The following PLPPR2 variants were observed in gnomAD, a reference collection of about 807,000 sequenced individuals.
PLPPR2 encodes the protein phospholipid phosphatase related 2.
PLPPR2 carries 11 observed loss-of-function variants against 40.3 expected under a neutral mutation model. The observed-to-expected ratio is 0.27, with a 90% CI of 0.17 to 0.45. The LOEUF (loss-of-function observed/expected upper bound fraction) is 0.45. Among genes scored for constraint, PLPPR2 ranks in the 20% least tolerant of loss-of-function variants. The pLI is 1.00. For missense variants in PLPPR2, 497 were observed against 640.7 expected (o/e 0.78, Z 2.42); for synonymous variants, 260 against 290.8 (o/e 0.89, Z 1.08).
rs1201262473 is a variant in PLPPR2 at position 11,364,596 on chromosome 19, G to A, written c.1265G>A (p.Arg422Gln). The change falls in exon 10 of 10, where the codon CGG becomes CAG. Residue 422 changes from arginine (R) to glutamine (Q), a missense_variant. By Grantham distance (43) the Arg-to-Gln change is conservative (BLOSUM62 1). Transcript: ENST00000688289. The surrounding 1 kb of genome is among the most constrained non-coding windows in gnomAD (Gnocchi z 5.8). The stretch of plus-strand genomic sequence containing the variant: ...CTGCTGCTGCCCACGCCCCTGCTGC[G>A]GGACCTGTACACCCTGAGTGGACTC... ...RKLLLPTPLL[R>Q]DLYTLSGLYP... 7.8e-6 allele frequency: 12 copies of A among 1,536,994 alleles called. No homozygotes were observed. Among genetic ancestry groups the A allele is most frequent in the African/African-American group, 5.5e-5 (4 of 73,002 alleles).
In PLPPR2 at chr19:11,363,360, G is replaced by T. The variant is rs888211029; in HGVS notation, c.841-353G>T. Among the ~76,000 whole-genome samples, 1 of 152,074 alleles carries T rather than the reference G, an allele frequency of 6.6e-6. No homozygotes were observed. The highest frequency in any genetic ancestry group is 1.5e-5 in the Non-Finnish European group (1 of 68,018). On this transcript the variant is annotated intron_variant, in intron 7 of 9. Coordinates refer to ENST00000688289, the MANE Select transcript of PLPPR2 (RefSeq NM_001393892.1). The surrounding 1 kb of genome is among the most constrained non-coding windows in gnomAD (Gnocchi z 4.8). ...AGCTACTCAGGAGGCTGAGGCAAGA[G>T]AGTTGCTTGAATCCAGGAGGTGGAG... is the stretch of plus-strand genomic sequence containing the variant.
chr19:11,363,575 T>G lies in PLPPR2; in HGVS notation c.841-138T>G. On this transcript the variant is annotated intron_variant, in intron 7 of 9. Coordinates refer to ENST00000688289, the MANE Select transcript of PLPPR2 (RefSeq NM_001393892.1). This position sits in a 1 kb window ranked among gnomAD's most constrained non-coding sequence, Gnocchi z 4.8. ...TACCTCAGTAAAATGGAACCAACAG[T>G]GCCTGGCACATACTATGCATTAGCT... 1 of 970,356 alleles carries G rather than the reference T, an allele frequency of 1.0e-6. No homozygotes were observed. Among genetic ancestry groups the G allele is most frequent in the Non-Finnish European group, 1.4e-6 (1 of 694,282 alleles). The allele number at this position is 970,356 out of a possible 1,614,324, so 60.1% of individuals were successfully genotyped here.
chr19:11,364,255 G>A lies in PLPPR2; in HGVS notation c.1015+43G>A. The A allele has an allele frequency of 6.3e-7, 1 of 1,587,860 alleles. No homozygotes were observed. The highest frequency in any genetic ancestry group is 8.6e-7 in the Non-Finnish European group (1 of 1,165,012). ...GGGGGGCTAAACAGGGGGACTTCCA[G>A]GTGGGCAGCCACTGCCCCAGAGGTC... is the stretch of plus-strand genomic sequence containing the variant. On this transcript the variant is annotated intron_variant, in intron 9 of 9. Coordinates refer to ENST00000688289, the MANE Select transcript of PLPPR2 (RefSeq NM_001393892.1). This position sits in a 1 kb window ranked among gnomAD's most constrained non-coding sequence, Gnocchi z 5.8.
Position 11,365,008 on chromosome 19 carries a change from C to T in PLPPR2, c.*318C>T. 2.5e-6 allele frequency: 1 copy of T among 397,650 alleles called. No homozygotes were observed. The highest frequency in any genetic ancestry group is 4.5e-6 in the Non-Finnish European group (1 of 221,588). The allele number at this position is 397,650 out of a possible 1,614,324, so 24.6% of individuals were successfully genotyped here. On this transcript the variant is annotated 3_prime_UTR_variant, in exon 10 of 10. Transcript: ENST00000688289. ...TTAACCAAAAGGAGTTGGCTCCAAC[C>T]AATGGGAGCCTTCCCCTCACTTCTT...
In PLPPR2 at chr19:11,359,984, C is replaced by T. The variant is rs1197976394; in HGVS notation, c.391+28C>T. On this transcript the variant is annotated intron_variant, in intron 5 of 9. Transcript: ENST00000688289. This position sits in a 1 kb window ranked among gnomAD's most constrained non-coding sequence, Gnocchi z 5.6. ...GAGAGACATGGCCTGGGGTCAGCCCCATGGTAATGGTGGGGAGGTGGGTAT... is the reference window on the plus strand; with the variant it reads ...GAGAGACATGGCCTGGGGTCAGCCCTATGGTAATGGTGGGGAGGTGGGTAT... The T allele has an allele frequency of 1.3e-6, 2 of 1,573,046 alleles. No homozygotes were observed. Among genetic ancestry groups the T allele is most frequent in the Non-Finnish European group, 1.7e-6 (2 of 1,157,644 alleles).
chr19:11,357,597 G>A (rs1198205503), intron 2 of PLPPR2, 63 bp from the exon 3 acceptor site: 73 of 1,285,850 alleles, frequency 5.7e-5, no homozygotes, highest in Middle Eastern at 2.0e-4. Context: ...CCAGGGTCCC[G>A]GTGACCTGAG....
chr19:11,359,472 T>G lies in PLPPR2; in HGVS notation c.67-60T>G, dbSNP rs1967983391. 3 of 1,455,974 alleles carry G rather than the reference T, an allele frequency of 2.1e-6. No individual in the cohort carries two copies. Among genetic ancestry groups the G allele is most frequent in the Middle Eastern group, 1.8e-4 (1 of 5,470 alleles). The allele number at this position is 1,455,974 out of a possible 1,614,324, so 90.2% of individuals were successfully genotyped here. ...GTATCTCTGCCTCTGTGGCCTCAGC[T>G]GGAGTCCTGACCTCTCTCTTCTCTC... On this transcript the variant is annotated intron_variant, in intron 3 of 9. Transcript: ENST00000688289. The surrounding 1 kb of genome is among the most constrained non-coding windows in gnomAD (Gnocchi z 5.6).
rs1029957982 is a variant in PLPPR2, at chr19:11,361,371, C to G, written c.546C>G (p.Asp182Glu). 6.2e-7 allele frequency: 1 copy of G among 1,611,946 alleles called. No individual in the cohort carries two copies. The highest frequency in any genetic ancestry group is 1.3e-5 in the African/African-American group (1 of 74,928). The change falls in exon 6 of 10, where the codon GAC (aspartate) becomes GAG (glutamate). Residue 182 changes from aspartate (D) to glutamate (E), a missense_variant. Coordinates refer to ENST00000688289, the MANE Select transcript of PLPPR2 (RefSeq NM_001393892.1). This position sits in a 1 kb window ranked among gnomAD's most constrained non-coding sequence, Gnocchi z 6.3. Reference sequence around the variant, plus strand: ...CTTCTCCGGATCGGCCAGGTCCCGACCGCTTTGTCACTGACCAGGGTGCCT... The same window carrying G: ...CTTCTCCGGATCGGCCAGGTCCCGAGCGCTTTGTCACTGACCAGGGTGCCT... ...LPPSPDRPGP[D>E]RFVTDQGACA...
At position 11,364,632 on chromosome 19, in the gene PLPPR2, C is replaced by G. The variant is rs1019367130; in HGVS notation, c.1301C>G (p.Pro434Arg). ...LYTLSGLYPSPFHRDNFSPYL... is the reference protein window; with the variant it reads ...LYTLSGLYPSRFHRDNFSPYL... ...ACCCTGAGTGGACTCTATCCCTCCCCCTTCCACCGGGACAACTTCAGCCCT... is the reference window on the plus strand; with the variant it reads ...ACCCTGAGTGGACTCTATCCCTCCCGCTTCCACCGGGACAACTTCAGCCCT... The change falls in exon 10 of 10, where the codon CCC becomes CGC. Residue 434 changes from proline to arginine, a missense_variant. Transcript: ENST00000688289. The surrounding 1 kb of genome is among the most constrained non-coding windows in gnomAD (Gnocchi z 5.8). 24 of 1,537,110 alleles carry G rather than the reference C, an allele frequency of 1.6e-5. No homozygotes were observed. The highest frequency in any genetic ancestry group is 1.8e-5 in the Non-Finnish European group (21 of 1,146,898).
At chr19:11,360,739 G>A (rs1968020270) in intron 5 of PLPPR2, among the ~76,000 whole-genome samples, 1 of 152,050 alleles carries the variant, frequency 6.6e-6, no homozygotes, top group South Asian at 2.1e-4. Flanking sequence ...AGGGGGAGGG[G>A]CAGACCTTAC....
intron 5 of PLPPR2, among the ~76,000 whole-genome samples, chr19:11,360,981 C>T (rs1968027324): frequency 6.6e-6 from 1 of 151,930 alleles, no homozygotes; most frequent in Non-Finnish European, 1.5e-5. Flanking sequence ...GGAGGATCCG[C>T]CCCTGACATA....
chr19:11,364,374 A>C lies in PLPPR2; in HGVS notation c.1043A>C (p.His348Pro), dbSNP rs1379363325. 4 of 1,518,930 alleles carry C rather than the reference A, an allele frequency of 2.6e-6. No homozygotes were observed. In the Admixed American group the frequency reaches 8.9e-5, roughly 34 times the overall value. 94.1% of individuals were successfully genotyped at this position (1,518,930 alleles called of 1,614,324 possible). A position where few individuals can be genotyped will look rare whatever the true frequency, so the allele number is the denominator to read the frequency against. The change falls in exon 10 of 10, where the codon CAC (histidine) becomes CCC (proline). Residue 348 changes from histidine to proline, a missense_variant. Physicochemically the swap from His to Pro is moderately conservative, Grantham distance 77. Transcript: ENST00000688289. The surrounding 1 kb of genome is among the most constrained non-coding windows in gnomAD (Gnocchi z 5.8). ...TCGCAGAACTGCGCCCGCCGTGGCC[A>C]CCTGATCCCCAGCTGTGTCTCCTCC... is the stretch of plus-strand genomic sequence containing the variant. ...SKSQNCARRG[H>P]LIPSCVSSRA... is the part of the protein sequence containing the mutation.
intron 2 of PLPPR2, among the ~76,000 whole-genome samples, chr19:11,357,194 G>A (rs770473183): frequency 1.4e-4 from 21 of 152,060 alleles, no homozygotes; most frequent in Non-Finnish European, 2.6e-4. Context: ...ACAGAGAGAG[G>A]GGCCCCTGCA....
Position 11,364,023 on chromosome 19 carries a change from C to T in PLPPR2, c.964-138C>T. 1.5e-6 allele frequency: 2 copies of T among 1,373,440 alleles called. No individual in the cohort carries two copies. Among genetic ancestry groups the T allele is most frequent in the Non-Finnish European group, 2.0e-6 (2 of 1,005,170 alleles). 85.1% of individuals were successfully genotyped at this position (1,373,440 alleles called of 1,614,324 possible). A position where few individuals can be genotyped will look rare whatever the true frequency, so the allele number is the denominator to read the frequency against. Reference sequence around the variant, plus strand: ...GAATGAAAGGGAGCACCCCCGTCTTCTTCCCAGGGGGACACGGTTAATCAT... The same window carrying T: ...GAATGAAAGGGAGCACCCCCGTCTTTTTCCCAGGGGGACACGGTTAATCAT... On this transcript the variant is annotated intron_variant, in intron 8 of 9. Transcript: ENST00000688289. The surrounding 1 kb of genome is among the most constrained non-coding windows in gnomAD (Gnocchi z 5.8).
intron 2 of PLPPR2, 55 bp from the exon 3 acceptor site, chr19:11,357,605 G>C: frequency 7.2e-7 from 1 of 1,392,880 alleles, no homozygotes; most frequent in Non-Finnish European, 9.8e-7. Context: ...CCGGTGACCT[G>C]AGCCTTCCCC....
In PLPPR2 at chr19:11,364,499, C is replaced by T. The variant is rs1291052766; in HGVS notation, c.1168C>T (p.Pro390Ser). The T allele has an allele frequency of 2.4e-5, 37 of 1,522,602 alleles. No homozygotes were observed. Among genetic ancestry groups the T allele is most frequent in the Non-Finnish European group, 3.2e-5 (36 of 1,139,696 alleles). 94.3% of individuals were successfully genotyped at this position (1,522,602 alleles called of 1,614,324 possible). A position where few individuals can be genotyped will look rare whatever the true frequency, so the allele number is the denominator to read the frequency against. Residue 390 changes from proline to serine, a missense_variant, in exon 10 of 10, where the codon CCC (proline) becomes TCC (serine). Physicochemically the swap from Pro to Ser is moderately conservative, Grantham distance 74. Coordinates refer to ENST00000688289, the MANE Select transcript of PLPPR2 (RefSeq NM_001393892.1). This position sits in a 1 kb window ranked among gnomAD's most constrained non-coding sequence, Gnocchi z 5.8. ...PLPLPLPAPT[P>S]SQGPSPSSPG... The stretch of plus-strand genomic sequence containing the variant: ...GCCCCTACCCCTGCCAGCGCCCACC[C>T]CCAGCCAGGGCCCCTCGCCTTCCTC...
At chr19:11,356,568 C>A (rs1004905790) in intron 1 of PLPPR2, among the ~76,000 whole-genome samples, 22 of 151,890 alleles carry the variant, frequency 1.4e-4, no homozygotes, top group Non-Finnish European at 2.1e-4. Context: ...AACAAGGGGG[C>A]CCCTCTTGTT....
In PLPPR2 at chr19:11,362,523, C is replaced by T; in HGVS notation, c.674C>T (p.Thr225Ile). The change falls in exon 7 of 10, where the codon ACT becomes ATT. Residue 225 changes from threonine to isoleucine, a missense_variant. Thr to Ile is a moderately conservative substitution (Grantham distance 89). Coordinates refer to ENST00000688289, the MANE Select transcript of PLPPR2 (RefSeq NM_001393892.1). The surrounding 1 kb of genome is among the most constrained non-coding windows in gnomAD (Gnocchi z 5.3). Reference sequence around the variant, plus strand: ...TCCGGCTCCCCGCAGATGTACGTGACTCTCGTGTTCCGCGTGAAGGGCTCC... The same window carrying T: ...TCCGGCTCCCCGCAGATGTACGTGATTCTCGTGTTCCGCGTGAAGGGCTCC... ...YAVTYTAMYVTLVFRVKGSRL... is the reference protein window; with the variant it reads ...YAVTYTAMYVILVFRVKGSRL... The T allele has an allele frequency of 6.2e-7, 1 of 1,610,394 alleles. No homozygotes were observed. Among genetic ancestry groups the T allele is most frequent in the Non-Finnish European group, 8.5e-7 (1 of 1,179,970 alleles).
rs1244307345 is a variant in PLPPR2, at chr19:11,365,196, ATTGT to A, written c.*511_*514del. ...CAAAGGAGAGGAGGGAGATGAGGTCATTGTTTGTCATTGAGTCTTCTCTCAGAAT... is the reference window on the plus strand; with the variant it reads ...CAAAGGAGAGGAGGGAGATGAGGTCATTGTCATTGAGTCTTCTCTCAGAAT... On this transcript the variant is annotated 3_prime_UTR_variant, in exon 10 of 10. Coordinates refer to ENST00000688289, the MANE Select transcript of PLPPR2 (RefSeq NM_001393892.1). 6.2e-6 allele frequency: 1 copy of A among 161,112 alleles called. No individual in the cohort carries two copies. Among genetic ancestry groups the A allele is most frequent in the Non-Finnish European group, 1.4e-5 (1 of 73,390 alleles). The allele number at this position is 161,112 out of a possible 1,614,324, so 10.0% of individuals were successfully genotyped here. A position where few individuals can be genotyped will look rare whatever the true frequency, so the allele number is the denominator to read the frequency against.
Sources: allele counts gnomAD v4.1 joint callset (sites outside exome capture counted in the v4.1 genomes callset), GRCh38; gene constraint gnomAD v4.1.1; non-coding constraint Gnocchi (gnomAD v3.1); transcripts MANE v1.5; gene names NCBI Gene and HGNC (gene_info 2026-07-23, HGNC 2026-07-21).